The following SRGAP3 variants were observed in gnomAD, a reference collection of about 807,000 sequenced individuals.
The protein encoded by SRGAP3 is SLIT-ROBO Rho GTPase activating protein 3.
In SRGAP3, 39 loss-of-function variants were observed where a neutral mutation model predicts 121.1. That is an observed-to-expected ratio of 0.32 (90% CI 0.25 to 0.42). The LOEUF is 0.42. Among genes scored for constraint, SRGAP3 ranks in the 10% least tolerant of loss-of-function variants. The pLI is 1.00. For missense variants in SRGAP3, 1,213 were observed against 1,470.6 expected (o/e 0.82, Z 2.86); for synonymous variants, 601 against 570.0 (o/e 1.05, Z -0.77).
At chr3:9,026,705 C>T (rs2125072370) in intron 13 of SRGAP3, among the ~76,000 whole-genome samples, 2 of 152,350 alleles carry the variant, frequency 1.3e-5, no homozygotes, top group East Asian at 3.9e-4. Flanking sequence ...GCCCTTTCTA[C>T]TCTCCAGTTT....
At chr3:9,073,022 C>T (rs187353622) in intron 4 of SRGAP3, among the ~76,000 whole-genome samples, 16 of 152,366 alleles carry the variant, frequency 1.1e-4, no homozygotes, top group Non-Finnish European at 1.6e-4. Context: ...ATATACAACA[C>T]TGCTTGATTT....
At chr3:9,092,107 C>T (rs952104469) in intron 3 of SRGAP3, among the ~76,000 whole-genome samples, 4 of 152,036 alleles carry the variant, frequency 2.6e-5, no homozygotes, top group East Asian at 3.9e-4. Flanking sequence ...AGTCTAGCAC[C>T]GTGGCCAGCA....
intron 3 of SRGAP3, among the ~76,000 whole-genome samples, chr3:9,284,846 A>C (rs2125267102): frequency 6.6e-6 from 1 of 151,552 alleles, no homozygotes; most frequent in South Asian, 2.1e-4. Context: ...AAAAAAAAAA[A>C]AAAAAATGGG....
At chr3:9,189,837 T>C (rs760061728) in intron 1 of SRGAP3, among the ~76,000 whole-genome samples, 5 of 152,164 alleles carry the variant, frequency 3.3e-5, no homozygotes, top group African/African-American at 7.2e-5. Context: ...AGTAAATTGA[T>C]AAAAAGAACC....
At chr3:9,229,076 A>AC (rs1953106701) in intron 1 of SRGAP3, among the ~76,000 whole-genome samples, 1 of 151,188 alleles carries the variant, frequency 6.6e-6, no homozygotes, top group South Asian at 2.1e-4. Context: ...CTCAAAAAAA[A>AC]AAAAAAAAAA....
intron 4 of SRGAP3, among the ~76,000 whole-genome samples, chr3:9,077,321 C>T (rs1166832241): frequency 6.6e-6 from 1 of 152,104 alleles, no homozygotes; most frequent in Non-Finnish European, 1.5e-5. Context: ...TTCATGATCC[C>T]CCACTGTGCC....
intron 1 of SRGAP3, among the ~76,000 whole-genome samples, chr3:9,145,172 T>C (rs1187386687): frequency 1.9e-4 from 29 of 152,190 alleles, no homozygotes; most frequent in African/African-American, 2.4e-5. Context: ...CTTGGCTCAC[T>C]GCAACCTCCA....
intron 1 of SRGAP3, among the ~76,000 whole-genome samples, chr3:9,183,851 C>A (rs1204548687): frequency 2.0e-5 from 3 of 151,946 alleles, no homozygotes; most frequent in African/African-American, 7.3e-5. Flanking sequence ...AACCCCCAGC[C>A]CCGGCCCCTC....
intron 11 of SRGAP3, chr3:9,035,591 T>C: frequency 5.5e-6 from 1 of 182,346 alleles, no homozygotes; most frequent in South Asian, 2.0e-4. Flanking sequence ...TCTCTTCTGC[T>C]GCTCAGATGC....
At chr3:9,318,159 T>G (rs112609115) in intron 3 of SRGAP3, among the ~76,000 whole-genome samples, 73 of 152,192 alleles carry the variant, frequency 4.8e-4, no homozygotes, top group African/African-American at 1.7e-3. Context: ...TGGTCCTTGC[T>G]GTTGTCTATC....
chr3:9,224,377 G>A (rs577286123), intron 1 of SRGAP3, among the ~76,000 whole-genome samples: 8 of 152,320 alleles, frequency 5.3e-5, no homozygotes, highest in African/African-American at 1.7e-4. Context: ...GGAGATGGAC[G>A]TGTGGGAACA....
chr3:9,158,651 C>T, intron 1 of SRGAP3, among the ~76,000 whole-genome samples: 1 of 152,166 alleles, frequency 6.6e-6, no homozygotes. Flanking sequence ...ACCACCTCTG[C>T]AGAGAAATTT....
At chr3:9,311,102 G>A (rs1373925590) in intron 3 of SRGAP3, among the ~76,000 whole-genome samples, 2 of 151,856 alleles carry the variant, frequency 1.3e-5, no homozygotes, top group Non-Finnish European at 2.9e-5. Flanking sequence ...CCCAGGAGGT[G>A]GAGGTTGCAG....
At chr3:9,167,502 C>T (rs1001546607) in intron 1 of SRGAP3, among the ~76,000 whole-genome samples, 1 of 152,318 alleles carries the variant, frequency 6.6e-6, no homozygotes, top group East Asian at 1.9e-4. Flanking sequence ...TGCCCACATC[C>T]ATGGCCCATC....
In SRGAP3 at chr3:8,985,989, C is replaced by T. The variant is rs1941681133; in HGVS notation, c.2887-57G>A. 1.3e-6 allele frequency: 2 copies of T among 1,598,862 alleles called. No homozygotes were observed. Among genetic ancestry groups the T allele is most frequent in the Admixed American group, 3.3e-5 (2 of 59,940 alleles). On this transcript the variant is annotated intron_variant, in intron 21 of 21. Transcript: ENST00000383836. This position sits in a 1 kb window ranked among gnomAD's most constrained non-coding sequence, Gnocchi z 5.1. ...TCTGGAGACCTGGAGTCAGGTCCTTCCTGTCTGCTAAGCAGCTTCCCTTCG... is the reference window on the plus strand; with the variant it reads ...TCTGGAGACCTGGAGTCAGGTCCTTTCTGTCTGCTAAGCAGCTTCCCTTCG...
At chr3:9,100,151 A>G (rs1263144245) in intron 3 of SRGAP3, among the ~76,000 whole-genome samples, 1 of 152,250 alleles carries the variant, frequency 6.6e-6, no homozygotes, top group Non-Finnish European at 1.5e-5. Flanking sequence ...CAAGAAGATT[A>G]TACGTCAGAG....
chr3:9,247,417 G>A (rs574462996), intron 1 of SRGAP3, among the ~76,000 whole-genome samples: 1 of 152,294 alleles, frequency 6.6e-6, no homozygotes, highest in South Asian at 2.1e-4. Flanking sequence ...CAGAGGTGAT[G>A]AGCACGCTGG....
intron 3 of SRGAP3, among the ~76,000 whole-genome samples, chr3:9,316,241 G>A (rs1955344308): frequency 6.6e-6 from 1 of 150,484 alleles, no homozygotes; most frequent in Admixed American, 6.7e-5. Flanking sequence ...TGGAGACCGG[G>A]TTTCACCATG....
intron 3 of SRGAP3, among the ~76,000 whole-genome samples, chr3:9,305,197 G>A (rs1169970880): frequency 6.6e-6 from 1 of 152,124 alleles, no homozygotes; most frequent in African/African-American, 2.4e-5. Context: ...AAGAGAGAAG[G>A]GGAGGAAGGA....
Sources: gnomAD v4.1 joint callset for allele counts (sites outside exome capture counted in the v4.1 genomes callset) on GRCh38, gnomAD v4.1.1 for gene constraint, Gnocchi (gnomAD v3.1) non-coding constraint, MANE v1.5 for transcripts, NCBI Gene and HGNC (gene_info 2026-07-23, HGNC 2026-07-21) for gene names.